Variants in CCM2L observed in about 807,000 individuals in gnomAD.
The protein encoded by CCM2L is cerebral cavernous malformations 2 protein-like.
Under a neutral mutation model 54.1 loss-of-function variants are expected in CCM2L, and 36 were observed. The ratio of observed to expected loss-of-function variants is 0.67; its 90% CI spans 0.51 to 0.88. CCM2L has a LOEUF of 0.88. Among genes scored for constraint, CCM2L ranks in the 40% least tolerant of loss-of-function variants. The pLI is 0.00. For missense variants in CCM2L, 700 were observed against 812.1 expected (o/e 0.86, Z 1.68); for synonymous variants, 351 against 359.3 (o/e 0.98, Z 0.26).
At position 32,019,227 on chromosome 20, in the gene CCM2L, C is replaced by CACGGAGGCGGCG; in HGVS notation, c.752_763dup (p.Gly254_Gly255insAspGlyGlyGly). On this transcript the variant is annotated inframe_insertion, in exon 5 of 10. Transcript: ENST00000452892. ...GTTCAGCGGCAGCTGGGAGCGGCGG[C>CACGGAGGCGGCG]ACGGAGGCGGCGGCGGCGGCGGCGG... 8.7e-7 allele frequency: 1 copy of CACGGAGGCGGCG among 1,154,320 alleles called. No homozygotes were observed. Among genetic ancestry groups the CACGGAGGCGGCG allele is most frequent in the Non-Finnish European group, 1.1e-6 (1 of 924,832 alleles). 71.5% of individuals were successfully genotyped at this position (1,154,320 alleles called of 1,614,324 possible).
At chr20:32,025,480 C>G (rs2064850379) in intron 6 of CCM2L, among the ~76,000 whole-genome samples, 1 of 152,148 alleles carries the variant, frequency 6.6e-6, no homozygotes, top group Admixed American at 6.5e-5. Context: ...GTTGTCCAGG[C>G]TGGTCTTGAA....
At chr20:32,030,628 A>G (rs949400077) in intron 9 of CCM2L, among the ~76,000 whole-genome samples, 5 of 152,024 alleles carry the variant, frequency 3.3e-5, no homozygotes, top group South Asian at 2.1e-4. Flanking sequence ...ACCTGAGGTC[A>G]GGAGTTCAAG....
At chr20:32,013,430 G>C (rs771491074) in intron 1 of CCM2L, among the ~76,000 whole-genome samples, 1 of 151,004 alleles carries the variant, frequency 6.6e-6, no homozygotes, top group Non-Finnish European at 1.5e-5. Flanking sequence ...TGTGTGGAGT[G>C]GGGGGGTGGG....
At chr20:32,020,542 C>T (rs1204815604) in intron 5 of CCM2L, among the ~76,000 whole-genome samples, 1 of 152,196 alleles carries the variant, frequency 6.6e-6, no homozygotes, top group Non-Finnish European at 1.5e-5. Flanking sequence ...AACCTCCTCC[C>T]CCAAAACCTG....
In CCM2L at chr20:32,019,321, G is replaced by C; in HGVS notation, c.845G>C (p.Arg282Pro). 1.5e-6 allele frequency: 2 copies of C among 1,339,222 alleles called. No homozygotes were observed. The highest frequency in any genetic ancestry group is 1.9e-6 in the Non-Finnish European group (2 of 1,044,478). The allele number at this position is 1,339,222 out of a possible 1,614,324, so 83.0% of individuals were successfully genotyped here. A position where few individuals can be genotyped will look rare whatever the true frequency, so the allele number is the denominator to read the frequency against. ...AGSGGGGSWE[R>P]RHPGPNPLDP... ...AGCGGCGGGGGAGGCAGCTGGGAGC[G>C]GCGCCACCCCGGCCCCAACCCGCTC... Residue 282 changes from arginine (R) to proline (P), a missense_variant, in exon 5 of 10, where the codon CGG becomes CCG. By Grantham distance (103) the Arg-to-Pro change is moderately radical. Coordinates refer to ENST00000452892, the MANE Select transcript of CCM2L (RefSeq NM_001365692.1).
Position 32,018,103 on chromosome 20 carries a change from A to G in CCM2L, c.407A>G (p.Glu136Gly). The G allele has an allele frequency of 5.0e-6, 8 of 1,611,054 alleles. No homozygotes were observed. Among genetic ancestry groups the G allele is most frequent in the Non-Finnish European group, 6.8e-6 (8 of 1,179,426 alleles). The change falls in exon 4 of 10, where the codon GAG (glutamate) becomes GGG (glycine). Residue 136 changes from glutamate to glycine, a missense_variant. Glu to Gly is a moderately conservative substitution (Grantham distance 98). Coordinates refer to ENST00000452892, the MANE Select transcript of CCM2L (RefSeq NM_001365692.1). ...EELILRIPTH[E>G]IAAASYLQDD... Reference sequence around the variant, plus strand: ...CTCATTCTGCGAATCCCTACGCACGAGATCGCCGCCGCCTCCTACCTGCAG... The same window carrying G: ...CTCATTCTGCGAATCCCTACGCACGGGATCGCCGCCGCCTCCTACCTGCAG...
chr20:32,025,080 T>C (rs2064842683), intron 6 of CCM2L, among the ~76,000 whole-genome samples: 1 of 150,604 alleles, frequency 6.6e-6, no homozygotes, highest in African/African-American at 2.5e-5. Flanking sequence ...TCTTTCTTTC[T>C]TTCTCTCTTT....
chr20:32,019,883 C>A (rs1320241882), intron 5 of CCM2L, among the ~76,000 whole-genome samples: 1 of 152,190 alleles, frequency 6.6e-6, no homozygotes, highest in Non-Finnish European at 1.5e-5. Flanking sequence ...ACAGGAAGCA[C>A]GTGGTGGTTT....
At chr20:32,030,270 C>T (rs552736782) in intron 9 of CCM2L, among the ~76,000 whole-genome samples, 3 of 152,224 alleles carry the variant, frequency 2.0e-5, no homozygotes, top group Non-Finnish European at 2.9e-5. Flanking sequence ...TTAAATGCCC[C>T]CAGTTCTGAG....
rs771352820 is a variant in CCM2L, at chr20:32,015,076, G to A, written c.198+5G>A. On this transcript the variant is annotated splice_donor_5th_base_variant and intron_variant, in intron 2 of 9. Coordinates refer to ENST00000452892, the MANE Select transcript of CCM2L (RefSeq NM_001365692.1). ...TACCTGGAGAAAGAGGTCAAGGTGC[G>A]TGCAGGATGAGAAGGGGTGGGAAAA... 8 of 1,486,986 alleles carry A rather than the reference G, an allele frequency of 5.4e-6. No homozygotes were observed. Among genetic ancestry groups the A allele is most frequent in the Middle Eastern group, 1.8e-4 (1 of 5,578 alleles). 92.1% of individuals were successfully genotyped at this position (1,486,986 alleles called of 1,614,324 possible).
intron 4 of CCM2L, among the ~76,000 whole-genome samples, chr20:32,018,554 G>T (rs912988529): frequency 2.6e-5 from 4 of 151,770 alleles, no homozygotes; most frequent in African/African-American, 9.7e-5. Context: ...CAGGGGCGGG[G>T]CTGAGGAGAG....
Position 32,028,979 on chromosome 20 carries a change from C to T in CCM2L, c.1134-16C>T. 6.2e-7 allele frequency: 1 copy of T among 1,613,764 alleles called. No individual in the cohort carries two copies. The highest frequency in any genetic ancestry group is 8.5e-7 in the Non-Finnish European group (1 of 1,179,844). On this transcript the variant is annotated splice_polypyrimidine_tract_variant and intron_variant, in intron 7 of 9. Coordinates refer to ENST00000452892, the MANE Select transcript of CCM2L (RefSeq NM_001365692.1). Reference sequence around the variant, plus strand: ...TGGAGGGAGGCGAGTGAAGGCCCTTCTTCCCGTGCCTGCAGTAATGGCTCC... The same window carrying T: ...TGGAGGGAGGCGAGTGAAGGCCCTTTTTCCCGTGCCTGCAGTAATGGCTCC...
chr20:32,022,830 A>G lies in CCM2L; in HGVS notation c.1069+35A>G, dbSNP rs773777779. On this transcript the variant is annotated intron_variant, in intron 6 of 9. Coordinates refer to ENST00000452892, the MANE Select transcript of CCM2L (RefSeq NM_001365692.1). ...AGAACTCCTGGCCTCCCCTCCTGTGAAACATCCCAAAAAGGCCAGGGGAGG... is the reference window on the plus strand; with the variant it reads ...AGAACTCCTGGCCTCCCCTCCTGTGGAACATCCCAAAAAGGCCAGGGGAGG... 7 of 1,607,690 alleles carry G rather than the reference A, an allele frequency of 4.4e-6. No individual in the cohort carries two copies. The South Asian group carries it at 7.7e-5, about 18-fold the overall frequency.
intron 1 of CCM2L, among the ~76,000 whole-genome samples, chr20:32,014,390 C>G (rs546924158): frequency 6.6e-6 from 1 of 151,652 alleles, no homozygotes; most frequent in Admixed American, 6.6e-5. Context: ...CTCAGCCTCC[C>G]GAGTAGCTGG....
Position 32,031,106 on chromosome 20 carries a change from T to A in CCM2L, c.1508T>A (p.Ile503Asn). Residue 503 changes from isoleucine to asparagine, a missense_variant, in exon 10 of 10, where the codon ATC becomes AAC. Ile to Asn is a moderately radical substitution (Grantham distance 149). Coordinates refer to ENST00000452892, the MANE Select transcript of CCM2L (RefSeq NM_001365692.1). Reference sequence around the variant, plus strand: ...ATCCTCACTGACAGCTTCGGCCGCATCAAGCGCAGCATGAGCTCCACGTCG... The same window carrying A: ...ATCCTCACTGACAGCTTCGGCCGCAACAAGCGCAGCATGAGCTCCACGTCG... ...GGILTDSFGR[I>N]KRSMSSTSAS... 1.5e-6 allele frequency: 2 copies of A among 1,304,234 alleles called. No individual in the cohort carries two copies. Among genetic ancestry groups the A allele is most frequent in the Non-Finnish European group, 2.0e-6 (2 of 988,940 alleles). The allele number at this position is 1,304,234 out of a possible 1,614,324, so 80.8% of individuals were successfully genotyped here.
intron 1 of CCM2L, among the ~76,000 whole-genome samples, chr20:32,014,106 T>C (rs1336394146): frequency 6.6e-6 from 1 of 152,052 alleles, no homozygotes; most frequent in Non-Finnish European, 1.5e-5. Context: ...TACTTAAATG[T>C]ACTTATTAAT....
chr20:32,022,929 A>G, intron 6 of CCM2L, 134 bp downstream of exon 6: 7 of 940,496 alleles, frequency 7.4e-6, no homozygotes, highest in Non-Finnish European at 1.1e-5. Flanking sequence ...AGTGTACCCC[A>G]CAATTGTAGG....
At chr20:32,022,316 C>A (rs1469710210) in intron 5 of CCM2L, among the ~76,000 whole-genome samples, 1 of 152,122 alleles carries the variant, frequency 6.6e-6, no homozygotes, top group Non-Finnish European at 1.5e-5. Context: ...GGATTCTAAT[C>A]CTGACTAATC....
chr20:32,018,173 A>AGGGGGC lies in CCM2L; in HGVS notation c.466+23_466+28dup, dbSNP rs1261553833. On this transcript the variant is annotated intron_variant, in intron 4 of 9. Transcript: ENST00000452892. ...TAGTGCTCAAGACCGGTGCGGCGGG[A>AGGGGGC]GGGGGCGGGGGCGGGGGAGGGGCGG... The AGGGGGC allele has an allele frequency of 1.9e-5, 17 of 917,434 alleles. No homozygotes were observed. In the East Asian group the frequency reaches 4.0e-4, roughly 22 times the overall value. The allele number at this position is 917,434 out of a possible 1,614,324, so 56.8% of individuals were successfully genotyped here.
Sources: gnomAD v4.1 joint callset for allele counts (sites outside exome capture counted in the v4.1 genomes callset) on GRCh38, gnomAD v4.1.1 for gene constraint, MANE v1.5 for transcripts, NCBI Gene and HGNC (gene_info 2026-07-23, HGNC 2026-07-21) for gene names.